RADIL: variants seen among roughly 807,000 people sequenced by gnomAD.
RADIL encodes Rap associating with DIL domain.
RADIL carries 99 observed loss-of-function variants against 97.6 expected under a neutral mutation model. That is an observed-to-expected ratio of 1.01 (90% CI 0.86 to 1.20). The LOEUF is 1.20. Among genes scored for constraint, RADIL ranks in the 50% most tolerant of loss-of-function variants. RADIL has a pLI of 0.00. For synonymous variants in RADIL, 803 were observed against 691.8 expected (o/e 1.16, Z -2.52); for missense variants, 1,765 against 1,498.9 (o/e 1.18, Z -2.93).
intron 9 of RADIL, among the ~76,000 whole-genome samples, chr7:4,807,676 CCTCTCCTT>C (rs1782366504): frequency 2.2e-5 from 2 of 89,328 alleles, no homozygotes; most frequent in Admixed American, 1.1e-4. Flanking sequence ...CTCCCTCCTC[CCTCTCCTT>C]CTCTCCATCT....
In RADIL at chr7:4,840,837, G is replaced by GGAT. The variant is rs1358311865; in HGVS notation, c.536-4233_536-4232insATC. On this transcript the variant is annotated intron_variant, in intron 2 of 14. Transcript: ENST00000399583. This position sits in a 1 kb window ranked among gnomAD's most constrained non-coding sequence, Gnocchi z 5.6. Reference sequence around the variant, plus strand: ...CAAAACTTAGCTGGGCGTGGAGGTGGGCGCCTGTAGTCCCGGCTACTCGAG... The same window carrying GGAT: ...CAAAACTTAGCTGGGCGTGGAGGTGGGATGCGCCTGTAGTCCCGGCTACTCGAG... Among the ~76,000 whole-genome samples the GGAT allele has an allele frequency of 6.6e-6, 1 of 152,118 alleles. No homozygotes were observed. The highest frequency in any genetic ancestry group is 2.4e-5 in the African/African-American group (1 of 41,424).
intron 2 of RADIL, chr7:4,861,636 G>GTTCCTC: frequency 3.1e-6 from 5 of 1,610,200 alleles, no homozygotes; most frequent in African/African-American, 1.3e-5. Context: ...CTGCGCTGCA[G>GTTCCTC]TTCCTCTTCC....
intron 5 of RADIL, among the ~76,000 whole-genome samples, chr7:4,823,428 C>G (rs150646102): frequency 0.028 from 4,199 of 150,526 alleles, 79 homozygotes; most frequent in African/African-American, 0.031. Context: ...CTTTGGCCTC[C>G]TAAAGTGCTG....
chr7:4,809,256 C>G, intron 9 of RADIL: 2 of 985,384 alleles, frequency 2.0e-6, no homozygotes, highest in South Asian at 9.4e-5. Context: ...GGCCGCCAAG[C>G]TGGGCGAGAG....
At position 4,817,850 on chromosome 7, in the gene RADIL, G is replaced by A. The variant is rs1260344869; in HGVS notation, c.1616-499C>T. Among the ~76,000 whole-genome samples the A allele has an allele frequency of 3.3e-5, 5 of 152,178 alleles. No individual in the cohort carries two copies. The East Asian group carries it at 5.8e-4, about 18-fold the overall frequency. On this transcript the variant is annotated intron_variant, in intron 6 of 14. Transcript: ENST00000399583. This position sits in a 1 kb window ranked among gnomAD's most constrained non-coding sequence, Gnocchi z 8.3. ...CCCACCCCCGGGTGTCAGCCGGGGC[G>A]GCTGGAGCTGAGGCTGGGGGGAGCT...
At chr7:4,847,369 A>G (rs556349315) in intron 2 of RADIL, among the ~76,000 whole-genome samples, 32 of 152,122 alleles carry the variant, frequency 2.1e-4, no homozygotes, top group Admixed American at 3.9e-4. Context: ...GTGCAGAAAG[A>G]CTGGACCCCT....
At chr7:4,861,046 T>C (rs1392538042) in intron 2 of RADIL, 1 of 1,614,234 alleles carries the variant, frequency 6.2e-7, no homozygotes, top group African/African-American at 1.3e-5. Flanking sequence ...GACAAGTTCT[T>C]GCTACTAGCA....
intron 2 of RADIL, chr7:4,865,844 T>A: frequency 1.4e-6 from 1 of 710,728 alleles, no homozygotes; most frequent in East Asian, 2.6e-5. Flanking sequence ...GAACCCCTTT[T>A]CTGTGTTGAG....
chr7:4,823,566 G>A (rs532404917), intron 5 of RADIL, among the ~76,000 whole-genome samples: 9 of 152,204 alleles, frequency 5.9e-5, no homozygotes, highest in African/African-American at 2.2e-4. Flanking sequence ...GTAGGGGTTG[G>A]GGGGGCGCCC....
chr7:4,805,536 A>G lies in RADIL; in HGVS notation c.2290+30T>C, dbSNP rs776969991. On this transcript the variant is annotated intron_variant, in intron 10 of 14. Transcript: ENST00000399583. ...GGGGCGAGTCTCCCACTGAGTCCCCAGCCCTCTCCTGCCCTGGGGCAGGGC... is the reference window on the plus strand; with the variant it reads ...GGGGCGAGTCTCCCACTGAGTCCCCGGCCCTCTCCTGCCCTGGGGCAGGGC... The G allele has an allele frequency of 1.9e-6, 3 of 1,550,168 alleles. No individual in the cohort carries two copies. In the African/African-American group the frequency reaches 4.1e-5, roughly 21 times the overall value.
chr7:4,845,719 G>A (rs138876370), intron 2 of RADIL, among the ~76,000 whole-genome samples: 3 of 152,238 alleles, frequency 2.0e-5, no homozygotes, highest in East Asian at 1.9e-4. Flanking sequence ...AACTTGGACC[G>A]CCTCACACTA....
chr7:4,808,257 T>C (rs1359435143), intron 9 of RADIL, among the ~76,000 whole-genome samples: 2 of 149,730 alleles, frequency 1.3e-5, no homozygotes, highest in African/African-American at 2.5e-5. Context: ...CCCTCCTCTC[T>C]GGAGGGCTTT....
rs1161298889 is a variant in RADIL, at chr7:4,834,740, C to G, written c.1283G>C (p.Gly428Ala). Reference sequence around the variant, plus strand: ...GGGGGTCAGCTTGTGGTCGTCGCCCCCCGGCTCGATCAACGTCATGATCCT... The same window carrying G: ...GGGGGTCAGCTTGTGGTCGTCGCCCGCCGGCTCGATCAACGTCATGATCCT... ...LQRIMTLIEP[G>A]GDDHKLTPAF... The change falls in exon 4 of 15, where the codon GGG becomes GCG. Residue 428 changes from glycine to alanine, a missense_variant. By Grantham distance (60) the Gly-to-Ala change is moderately conservative. Transcript: ENST00000399583. This position sits in a 1 kb window ranked among gnomAD's most constrained non-coding sequence, Gnocchi z 6.0. 16 of 1,411,956 alleles carry G rather than the reference C, an allele frequency of 1.1e-5. No individual in the cohort carries two copies. In the Middle Eastern group the frequency reaches 9.5e-4, roughly 84 times the overall value. 87.5% of individuals were successfully genotyped at this position (1,411,956 alleles called of 1,614,324 possible).
intron 2 of RADIL, among the ~76,000 whole-genome samples, chr7:4,844,666 C>G (rs6949969): frequency 6.6e-6 from 1 of 151,842 alleles, no homozygotes; most frequent in Non-Finnish European, 1.5e-5. Flanking sequence ...TGCAATGGCA[C>G]GATCACAGCT....
rs3763386 is a variant in RADIL, at chr7:4,835,917, G to T, written c.783+441C>A. On this transcript the variant is annotated intron_variant, in intron 3 of 14. Coordinates refer to ENST00000399583, the MANE Select transcript of RADIL (RefSeq NM_018059.5). This position sits in a 1 kb window ranked among gnomAD's most constrained non-coding sequence, Gnocchi z 5.8. ...GGTGAGAAACGGCTCTGGGCAGATA[G>T]GGGTGGCATGGGCCTTTGCTCGGTG... Among the ~76,000 whole-genome samples, 1 of 152,128 alleles carries T rather than the reference G, an allele frequency of 6.6e-6. No homozygotes were observed. The highest frequency in any genetic ancestry group is 6.5e-5 in the Admixed American group (1 of 15,278).
rs546459187 is a variant in RADIL at position 4,822,717 on chromosome 7, C to T, written c.1455-163G>A. On this transcript the variant is annotated intron_variant, in intron 5 of 14. Coordinates refer to ENST00000399583, the MANE Select transcript of RADIL (RefSeq NM_018059.5). This position sits in a 1 kb window ranked among gnomAD's most constrained non-coding sequence, Gnocchi z 5.3. ...CGGGGACGTTTAACAATACGTGTAC[C>T]CGCCTGGCACCTGCCTACAACACCC... Among the ~76,000 whole-genome samples, 140 of 152,220 alleles carry T rather than the reference C, an allele frequency of 9.2e-4. No homozygotes were observed. Among genetic ancestry groups the T allele is most frequent in the African/African-American group, 3.3e-3 (135 of 41,536 alleles).
chr7:4,817,413 C>T lies in RADIL; in HGVS notation c.1616-62G>A. 6.9e-7 allele frequency: 1 copy of T among 1,442,126 alleles called. No individual in the cohort carries two copies. Among genetic ancestry groups the T allele is most frequent in the South Asian group, 1.2e-5 (1 of 80,526 alleles). 89.3% of individuals were successfully genotyped at this position (1,442,126 alleles called of 1,614,324 possible). A position where few individuals can be genotyped will look rare whatever the true frequency, so the allele number is the denominator to read the frequency against. ...CACAGCGCTCAGGAACGCAGCAACT[C>T]AGCCAGCCGCCAGCTCTTTCCCTGG... On this transcript the variant is annotated intron_variant, in intron 6 of 14. Transcript: ENST00000399583. The surrounding 1 kb of genome is among the most constrained non-coding windows in gnomAD (Gnocchi z 8.3).
Position 4,815,356 on chromosome 7 carries a change from CCCG to C in RADIL, c.2058_2060del (p.Phe686_Gly687delinsLeu). 6.4e-7 allele frequency: 1 copy of C among 1,558,814 alleles called. No individual in the cohort carries two copies. Among genetic ancestry groups the C allele is most frequent in the Non-Finnish European group, 8.7e-7 (1 of 1,152,398 alleles). On this transcript the variant is annotated inframe_deletion, in exon 9 of 15. Transcript: ENST00000399583. This position sits in a 1 kb window ranked among gnomAD's most constrained non-coding sequence, Gnocchi z 8.0. ...TCTGGAAGAAGTGCTCTCCAGCCGCCCCGAAGCCGGCGCTCCGCATCCACTCCA... is the reference window on the plus strand; with the variant it reads ...TCTGGAAGAAGTGCTCTCCAGCCGCCAAGCCGGCGCTCCGCATCCACTCCA...
chr7:4,821,399 G>T lies in RADIL; in HGVS notation c.1615+995C>A, dbSNP rs540312484. Among the ~76,000 whole-genome samples, 1 of 152,164 alleles carries T rather than the reference G, an allele frequency of 6.6e-6. No individual in the cohort carries two copies. Among genetic ancestry groups the T allele is most frequent in the Non-Finnish European group, 1.5e-5 (1 of 68,016 alleles). ...CACAGCAGCACAGTCCTGCTGCCCC[G>T]TCTGGCTCCATTCCAGGCCCCACAC... On this transcript the variant is annotated intron_variant, in intron 6 of 14. Coordinates refer to ENST00000399583, the MANE Select transcript of RADIL (RefSeq NM_018059.5). This position sits in a 1 kb window ranked among gnomAD's most constrained non-coding sequence, Gnocchi z 5.2.
Sources: allele counts gnomAD v4.1 joint callset (sites outside exome capture counted in the v4.1 genomes callset), GRCh38; gene constraint gnomAD v4.1.1; non-coding constraint Gnocchi (gnomAD v3.1); transcripts MANE v1.5; gene names NCBI Gene and HGNC (gene_info 2026-07-23, HGNC 2026-07-21).